The following DARS1 variants were observed in gnomAD, a reference collection of about 807,000 sequenced individuals.
DARS1 encodes aspartate--tRNA ligase, cytoplasmic.
Under a neutral mutation model 68.8 loss-of-function variants are expected in DARS1, and 51 were observed. The observed-to-expected ratio is 0.74, with a 90% confidence interval of 0.59 to 0.94. The LOEUF is 0.94. Ranked by LOEUF, DARS1 falls within the 40% of genes least tolerant of loss-of-function variation. DARS1 has a pLI of 0.00. For synonymous variants in DARS1, 203 were observed against 190.4 expected, an observed-to-expected ratio of 1.07 and a Z score of -0.55; for missense variants, 607 against 597.3, an observed-to-expected ratio of 1.02 and a Z score of -0.17.
In DARS1 at chr2:135,915,280, C is replaced by T. The variant is rs369710879; in HGVS notation, c.1107-769G>A. 3.3e-5 allele frequency among the ~76,000 whole-genome samples: 5 copies of T among 152,042 alleles called. No homozygotes were observed. The East Asian group carries it at 7.7e-4, about 23-fold the overall frequency. Reference sequence around the variant, plus strand: ...TATAAGTAGATAGAAATTACCTTTACATGTTTTGTTTATTTATTTTTTACA... The same window carrying T: ...TATAAGTAGATAGAAATTACCTTTATATGTTTTGTTTATTTATTTTTTACA... On this transcript the variant is annotated intron_variant, in intron 11 of 15. Transcript: ENST00000264161.
intron 3 of DARS1, among the ~76,000 whole-genome samples, chr2:135,964,810 C>T (rs1682186062): frequency 7.6e-6 from 1 of 130,790 alleles, no homozygotes; most frequent in African/African-American, 3.0e-5. Context: ...CACTGCACTC[C>T]AGCCTGGGTA....
At position 135,907,242 on chromosome 2, in the gene DARS1, C is replaced by CTTTTTT. The variant is rs992435404; in HGVS notation, c.*68_*73dup. ...TACTGAAAAGAATAAGTGTGGCTTT[C>CTTTTTT]TTTTTTTTTTTTTTTTTTTGAGGCA... On this transcript the variant is annotated 3_prime_UTR_variant, in exon 16 of 16. Coordinates refer to ENST00000264161, the MANE Select transcript of DARS1 (RefSeq NM_001349.4). 2.0e-4 allele frequency: 91 copies of CTTTTTT among 453,708 alleles called. 6 individuals are homozygous for CTTTTTT. The highest frequency in any genetic ancestry group is 1.1e-3 in the South Asian group (38 of 34,748). 28.1% of individuals were successfully genotyped at this position (453,708 alleles called of 1,614,324 possible).
At chr2:135,963,130 G>C (rs906856500) in intron 3 of DARS1, among the ~76,000 whole-genome samples, 5 of 152,144 alleles carry the variant, frequency 3.3e-5, no homozygotes, top group Admixed American at 1.3e-4. Flanking sequence ...TCGGCACTAG[G>C]GGGTAACAAT....
chr2:135,946,780 C>T (rs1681732819), intron 4 of DARS1, among the ~76,000 whole-genome samples: 1 of 152,132 alleles, frequency 6.6e-6, no homozygotes, highest in Admixed American at 6.6e-5. Flanking sequence ...TTATCTCTTG[C>T]TGCTGGGTCC....
At chr2:135,943,567 T>A in intron 4 of DARS1, 87 bp from the exon 5 acceptor site, 1 of 1,531,446 alleles carries the variant, frequency 6.5e-7, no homozygotes, top group Non-Finnish European at 8.7e-7. Flanking sequence ...GCTGAATATG[T>A]TAAACTCTTT....
At chr2:135,962,713 C>T (rs186308580) in intron 3 of DARS1, among the ~76,000 whole-genome samples, 1 of 152,010 alleles carries the variant, frequency 6.6e-6, no homozygotes, top group Non-Finnish European at 1.5e-5. Context: ...GGAGGATGAT[C>T]CAGTCACAAA....
At chr2:135,917,971 G>C (rs1195973821) in intron 10 of DARS1, among the ~76,000 whole-genome samples, 1 of 152,114 alleles carries the variant, frequency 6.6e-6, no homozygotes, top group Non-Finnish European at 1.5e-5. Context: ...CCAGGCTGGA[G>C]TGCAGTGGAG....
intron 2 of DARS1, among the ~76,000 whole-genome samples, chr2:135,982,844 CAA>C (rs1452988841): frequency 1.3e-5 from 2 of 152,094 alleles, no homozygotes; most frequent in African/African-American, 4.8e-5. Flanking sequence ...GTTCTAATCC[CAA>C]GTCTGGCAGA....
At chr2:135,924,018 C>T (rs1475611536) in intron 8 of DARS1, among the ~76,000 whole-genome samples, 1 of 152,090 alleles carries the variant, frequency 6.6e-6, no homozygotes, top group Non-Finnish European at 1.5e-5. Context: ...GAAATTTTCC[C>T]ATCATTAGTA....
chr2:135,950,573 T>G (rs967580454), intron 4 of DARS1, among the ~76,000 whole-genome samples: 2 of 152,240 alleles, frequency 1.3e-5, no homozygotes, highest in Non-Finnish European at 2.9e-5. Flanking sequence ...GGTGATGTAC[T>G]GTTTTTAATA....
chr2:135,952,380 A>G (rs1409207202), intron 4 of DARS1, among the ~76,000 whole-genome samples: 1 of 152,208 alleles, frequency 6.6e-6, no homozygotes, highest in Non-Finnish European at 1.5e-5. Flanking sequence ...CATTTGGCAT[A>G]TCTATCACCT....
intron 3 of DARS1, among the ~76,000 whole-genome samples, chr2:135,964,840 C>CAAA (rs372676148): frequency 0.073 from 3,323 of 45,602 alleles, 122 homozygotes; most frequent in Non-Finnish European, 0.093. Context: ...GACTCCACCT[C>CAAA]AAAAAAAAAA....
In DARS1 at chr2:135,961,485, G is replaced by C; in HGVS notation, c.231C>G (p.Phe77Leu). 1 of 1,463,198 alleles carries C rather than the reference G, an allele frequency of 6.8e-7. No individual in the cohort carries two copies. The highest frequency in any genetic ancestry group is 1.4e-5 in the African/African-American group (1 of 72,208). 90.6% of individuals were successfully genotyped at this position (1,463,198 alleles called of 1,614,324 possible). The change falls in exon 4 of 16, where the codon TTC (phenylalanine) becomes TTG (leucine). Residue 77 changes from phenylalanine (F) to leucine (L), a missense_variant. Transcript: ENST00000264161. The part of the protein sequence containing the change: ...HTSRAKGKQC[F>L]LVLRQQQFNV... ...TAAACTGCTGCTGACGTAGGACTAA[G>C]AAGCACTGTTTCCCTGAAAAAGACA...
chr2:135,934,313 TAGCTATGTCAAAAA>T (rs1232180283), intron 5 of DARS1, among the ~76,000 whole-genome samples: 1 of 152,172 alleles, frequency 6.6e-6, no homozygotes, highest in Non-Finnish European at 1.5e-5. Context: ...GCTTACGGTC[TAGCTATGTCAAAAA>T]AGCTATGGTT....
chr2:135,945,455 C>T (rs562681654), intron 4 of DARS1, among the ~76,000 whole-genome samples: 31 of 152,160 alleles, frequency 2.0e-4, no homozygotes, highest in African/African-American at 7.2e-4. Flanking sequence ...AAGGACTGAG[C>T]GTCATGCTAG....
At chr2:135,940,114 T>C (rs954669095) in intron 5 of DARS1, among the ~76,000 whole-genome samples, 1 of 152,214 alleles carries the variant, frequency 6.6e-6, no homozygotes, top group African/African-American at 2.4e-5. Context: ...TCTGAAACTA[T>C]TCCAATCAAC....
chr2:135,965,732 A>C (rs1682217678), intron 3 of DARS1, among the ~76,000 whole-genome samples: 1 of 152,196 alleles, frequency 6.6e-6, no homozygotes, highest in South Asian at 2.1e-4. Context: ...ATTTTTTAGA[A>C]TATATGTTAA....
intron 4 of DARS1, among the ~76,000 whole-genome samples, chr2:135,947,238 T>C (rs1260658279): frequency 6.6e-6 from 1 of 151,808 alleles, no homozygotes; most frequent in Non-Finnish European, 1.5e-5. Context: ...AAACCCAGTC[T>C]CTACTAAAAA....
intron 4 of DARS1, among the ~76,000 whole-genome samples, chr2:135,952,984 A>G (rs895285): frequency 0.16 from 24,520 of 152,190 alleles, 2,277 homozygotes; most frequent in Middle Eastern, 0.39. Context: ...ACTAATTTAC[A>G]TTCCCACCAA....
Sources: gnomAD v4.1 joint callset for allele counts (sites outside exome capture counted in the v4.1 genomes callset) on GRCh38, gnomAD v4.1.1 for gene constraint, MANE v1.5 for transcripts, NCBI Gene and HGNC (gene_info 2026-07-23, HGNC 2026-07-21) for gene names.